ZNF318: variants seen among roughly 807,000 people sequenced by gnomAD.
ZNF318 encodes endocrine regulator.
ZNF318 carries 51 observed loss-of-function variants against 124.2 expected under a neutral mutation model. That is an observed-to-expected ratio of 0.41 (90% CI 0.33 to 0.52). The LOEUF is 0.52. Among genes scored for constraint, ZNF318 ranks in the 20% least tolerant of loss-of-function variants. The pLI is 0.23. For synonymous variants in ZNF318, 1,090 were observed against 1,040.7 expected, an observed-to-expected ratio of 1.05 and a Z score of -0.91; for missense variants, 2,815 against 2,811.2, an observed-to-expected ratio of 1.00 and a Z score of -0.03.
rs370974038 is a variant in ZNF318, at chr6:43,358,850, G to A, written c.549-1085C>T. On this transcript the variant is annotated intron_variant, in intron 2 of 9. Transcript: ENST00000361428. ...GGATTACAGGCGTGAGCCTCCACACGTGGCTCAGATAAATGGTTTTAAAGC... is the reference window on the plus strand; with the variant it reads ...GGATTACAGGCGTGAGCCTCCACACATGGCTCAGATAAATGGTTTTAAAGC... Among the ~76,000 whole-genome samples the A allele has an allele frequency of 1.3e-4, 20 of 152,072 alleles. 1 individual carries two copies. Among genetic ancestry groups the A allele is most frequent in the Admixed American group, 9.2e-4 (14 of 15,258 alleles).
chr6:43,346,351 C>T (rs577047495), intron 6 of ZNF318, among the ~76,000 whole-genome samples: 14 of 151,622 alleles, frequency 9.2e-5, no homozygotes, highest in Non-Finnish European at 2.1e-4. Context: ...CGTGGTGGCA[C>T]GTGCCTGTAA....
rs769838836 is a variant in ZNF318, at chr6:43,365,369, G to T, written c.471C>A (p.Phe157Leu). 2 of 1,614,214 alleles carry T rather than the reference G, an allele frequency of 1.2e-6. No homozygotes were observed. The highest frequency in any genetic ancestry group is 2.2e-5 in the South Asian group (2 of 91,092). ...GTCGCCGTTCTGGTGTGCTAACACA[G>T]AAGTGGTCATTGCCAACAGTGATCC... ...SLRITVGNDH[F>L]CVSTPERRRL... The change falls in exon 2 of 10, where the codon TTC (phenylalanine) becomes TTA (leucine). Residue 157 changes from phenylalanine to leucine, a missense_variant. By Grantham distance (22) the Phe-to-Leu change is conservative (BLOSUM62 0). This residue lies in a region of ZNF318 where 1,377 missense variants were observed against 1,353.5 expected (regional missense o/e 1.02). Coordinates refer to ENST00000361428, the MANE Select transcript of ZNF318 (RefSeq NM_014345.3).
At position 43,357,603 on chromosome 6, in the gene ZNF318, A is replaced by C. The variant is rs953097061; in HGVS notation, c.711T>G (p.Ser237Arg). The change falls in exon 3 of 10, where the codon AGT becomes AGG. Residue 237 changes from serine (S) to arginine (R), a missense_variant. Ser to Arg is a moderately radical substitution (Grantham distance 110). Around this residue, in one of 4 missense-constraint regions of ZNF318, gnomAD observed 1,377 missense variants for 1,353.5 expected, o/e 1.02. Coordinates refer to ENST00000361428, the MANE Select transcript of ZNF318 (RefSeq NM_014345.3). ...GCTCATCATGACAACTGATATGGGG[A>C]CTATAATCAGATCGATGCAGGAAAG... is the stretch of plus-strand genomic sequence containing the variant. ...KETFLHRSDYSPHISCHDELL... is the reference protein window; with the variant it reads ...KETFLHRSDYRPHISCHDELL... The C allele has an allele frequency of 1.2e-6, 2 of 1,614,020 alleles. No homozygotes were observed. Among genetic ancestry groups the C allele is most frequent in the Non-Finnish European group, 1.7e-6 (2 of 1,180,000 alleles).
intron 2 of ZNF318, among the ~76,000 whole-genome samples, chr6:43,363,035 T>G (rs780166101): frequency 6.6e-6 from 1 of 152,172 alleles, no homozygotes; most frequent in African/African-American, 2.4e-5. Context: ...TCACTTTCTC[T>G]AAAGTAGACC....
In ZNF318 at chr6:43,336,953, T is replaced by C. The variant is rs1290942139; in HGVS notation, c.*205A>G. 3 of 351,716 alleles carry C rather than the reference T, an allele frequency of 8.5e-6. No individual in the cohort carries two copies. The highest frequency in any genetic ancestry group is 6.4e-5 in the African/African-American group (3 of 46,540). The allele number at this position is 351,716 out of a possible 1,614,324, so 21.8% of individuals were successfully genotyped here. A position where few individuals can be genotyped will look rare whatever the true frequency, so the allele number is the denominator to read the frequency against. ...CAGATATATATATATATATATAAGT[T>C]GTTATCGATTTGTCTGGTGTTTTAA... On this transcript the variant is annotated 3_prime_UTR_variant, in exon 10 of 10. Coordinates refer to ENST00000361428, the MANE Select transcript of ZNF318 (RefSeq NM_014345.3).
chr6:43,356,816 C>T (rs1333218229), intron 3 of ZNF318, among the ~76,000 whole-genome samples: 1 of 152,110 alleles, frequency 6.6e-6, no homozygotes, highest in East Asian at 1.9e-4. Flanking sequence ...CCTTGCCCTT[C>T]AAGGTTCATT....
chr6:43,368,817 G>C, intron 1 of ZNF318, 150 bp downstream of exon 1: 1 of 1,233,530 alleles, frequency 8.1e-7, no homozygotes, highest in Non-Finnish European at 1.0e-6. Flanking sequence ...GGGTCTGACA[G>C]AAGCCTCCAG....
In ZNF318 at chr6:43,338,608, A is replaced by G. The variant is rs1459675; in HGVS notation, c.5390T>C (p.Val1797Ala). 1,608,551 of 1,614,152 alleles carry G rather than the reference A, an allele frequency of 1. 801,617 individuals are homozygous for G. The highest frequency in any genetic ancestry group is 1 in the East Asian group (44,884 of 44,884). ...GCTGTGGGGTCCAATGCTGGTACTT[A>G]CTCCCTCATCAACTATCCCCTCAGA... ...ELSEGIVDEG[V>A]STSIGPHSID... The change falls in exon 10 of 10, where the codon GTA (valine) becomes GCA (alanine). Residue 1797 changes from valine (V) to alanine (A), a missense_variant. Transcript: ENST00000361428.
Position 43,339,048 on chromosome 6 carries a change from C to G in ZNF318, c.4950G>C (p.Leu1650=). The G allele has an allele frequency of 1.2e-6, 2 of 1,614,182 alleles. No homozygotes were observed. Among genetic ancestry groups the G allele is most frequent in the Non-Finnish European group, 1.7e-6 (2 of 1,180,040 alleles). The change falls in exon 10 of 10, where the codon CTG becomes CTC. Residue 1650 remains leucine, a synonymous_variant. Coordinates refer to ENST00000361428, the MANE Select transcript of ZNF318 (RefSeq NM_014345.3). This position sits in a 1 kb window ranked among gnomAD's most constrained non-coding sequence, Gnocchi z 4.2. ...SNSEKPIAKT[L]VALGKWSVVE... is the part of the protein sequence containing the mutation. ...CAACTGACCATTTCCCTAGGGCCAC[C>G]AGAGTTTTTGCAATGGGCTTTTCAG...
intron 8 of ZNF318, among the ~76,000 whole-genome samples, chr6:43,341,841 C>A (rs1779376535): frequency 6.6e-6 from 1 of 152,114 alleles, no homozygotes; most frequent in Non-Finnish European, 1.5e-5. Context: ...GCCCATAAGC[C>A]AATGACAAAG....
chr6:43,336,096 A>G lies in ZNF318; in HGVS notation c.*1062T>C, dbSNP rs1171505252. On this transcript the variant is annotated 3_prime_UTR_variant, in exon 10 of 10. Coordinates refer to ENST00000361428, the MANE Select transcript of ZNF318 (RefSeq NM_014345.3). ...GAGATTAATGCATTTATTCCAAGTA[A>G]TTAACACATTAAAAATAAAGTTAAA... The G allele has an allele frequency of 2.6e-5, 4 of 152,672 alleles. No homozygotes were observed. The highest frequency in any genetic ancestry group is 9.6e-5 in the African/African-American group (4 of 41,464). 9.5% of individuals were successfully genotyped at this position (152,672 alleles called of 1,614,324 possible).
chr6:43,343,594 C>T (rs1779400853), intron 6 of ZNF318, among the ~76,000 whole-genome samples: 1 of 151,910 alleles, frequency 6.6e-6, no homozygotes, highest in Non-Finnish European at 1.5e-5. Context: ...TTTGGGAGGT[C>T]GAGGTGGGCA....
At position 43,340,439 on chromosome 6, in the gene ZNF318, C is replaced by T; in HGVS notation, c.3559G>A (p.Ala1187Thr). ...RRNLDRQAGL[A>T]VVLETERRRQ... ...CGCCGTTCTGTCTCTAGGACCACAG[C>T]CAAGCCAGCTTGGCGGTCCAGATTC... The change falls in exon 10 of 10, where the codon GCT (alanine) becomes ACT (threonine). Residue 1187 changes from alanine to threonine, a missense_variant. By Grantham distance (58) the Ala-to-Thr change is moderately conservative (BLOSUM62 0). Coordinates refer to ENST00000361428, the MANE Select transcript of ZNF318 (RefSeq NM_014345.3). The T allele has an allele frequency of 6.2e-7, 1 of 1,613,848 alleles. No homozygotes were observed. The highest frequency in any genetic ancestry group is 8.5e-7 in the Non-Finnish European group (1 of 1,179,972).
chr6:43,356,229 C>T, intron 3 of ZNF318, 84 bp from the exon 4 acceptor site: 1 of 1,422,752 alleles, frequency 7.0e-7, no homozygotes, highest in Non-Finnish European at 9.4e-7. Flanking sequence ...ATACTTTGGT[C>T]TTCCTGAATT....
At chr6:43,354,537 T>C (rs1361286208) in intron 4 of ZNF318, 127 bp downstream of exon 4, 8 of 807,350 alleles carry the variant, frequency 9.9e-6, no homozygotes, top group African/African-American at 5.2e-5. Flanking sequence ...CTTAGGATGA[T>C]GACAGCAGCC....
chr6:43,337,999 T>A lies in ZNF318; in HGVS notation c.5999A>T (p.Asp2000Val), dbSNP rs1294076969. The change falls in exon 10 of 10, where the codon GAC becomes GTC. Residue 2000 changes from aspartate (D) to valine (V), a missense_variant. Coordinates refer to ENST00000361428, the MANE Select transcript of ZNF318 (RefSeq NM_014345.3). ...TVTIESKALEDFEATDLKVEE... is the reference protein window; with the variant it reads ...TVTIESKALEVFEATDLKVEE... ...TACCTTTAAGTCTGTAGCTTCAAAG[T>A]CTTCTAGGGCCTTGCTTTCTATTGT... 6.2e-7 allele frequency: 1 copy of A among 1,614,156 alleles called. No individual in the cohort carries two copies.
Position 43,338,418 on chromosome 6 carries a change from G to A in ZNF318, c.5580C>T (p.Cys1860=). The A allele has an allele frequency of 6.2e-7, 1 of 1,614,200 alleles. No homozygotes were observed. The highest frequency in any genetic ancestry group is 8.5e-7 in the Non-Finnish European group (1 of 1,180,032). The part of the protein sequence containing the change: ...KVVIKLSPQA[C]SFTKAKLDSF... ...AGTCTAATTTTGCCTTTGTGAAAGA[G>A]CAAGCCTGTGGACTCAATTTGATCA... Residue 1860 remains cysteine, a synonymous_variant, in exon 10 of 10, where the codon TGC becomes TGT. Coordinates refer to ENST00000361428, the MANE Select transcript of ZNF318 (RefSeq NM_014345.3).
At chr6:43,348,705 A>G (rs920872442) in intron 5 of ZNF318, 80 bp from the exon 6 acceptor site, 1 of 1,482,826 alleles carries the variant, frequency 6.7e-7, no homozygotes, top group African/African-American at 1.4e-5. Flanking sequence ...ATAATTTGTC[A>G]GGGCTTTATG....
At chr6:43,368,579 C>A in intron 1 of ZNF318, 1 of 829,530 alleles carries the variant, frequency 1.2e-6, no homozygotes, top group Non-Finnish European at 1.5e-6. Flanking sequence ...CCCCTAAGAT[C>A]CAGGAAGGCA....
Sources: allele counts gnomAD v4.1 joint callset (sites outside exome capture counted in the v4.1 genomes callset), GRCh38; gene constraint gnomAD v4.1.1; regional missense constraint gnomAD v4.1.1; non-coding constraint Gnocchi (gnomAD v3.1); transcripts MANE v1.5; gene names NCBI Gene and HGNC (gene_info 2026-07-23, HGNC 2026-07-21).